The following CPNE5 variants were observed in gnomAD, a reference collection of about 807,000 sequenced individuals.
CPNE5 encodes copine-5.
A neutral mutation model predicts 81.1 loss-of-function variants in CPNE5; 42 were observed. The observed-to-expected ratio is 0.52, with a 90% CI of 0.40 to 0.67. The LOEUF is 0.67. CPNE5 is among the 30% of genes least tolerant of loss of function. The pLI, the probability that CPNE5 is intolerant of heterozygous loss-of-function variation, is 0.00. For synonymous variants in CPNE5, 313 were observed against 321.5 expected (o/e 0.97, Z 0.28); for missense variants, 612 against 815.5 (o/e 0.75, Z 3.04).
chr6:36,780,172 C>G (rs887776984), intron 8 of CPNE5, among the ~76,000 whole-genome samples: 1 of 152,106 alleles, frequency 6.6e-6, no homozygotes, highest in Admixed American at 6.5e-5. Context: ...ACTGTGTTAG[C>G]CAAGATGGTC....
chr6:36,827,544 T>C (rs892014586), intron 1 of CPNE5: 1 of 985,248 alleles, frequency 1.0e-6, no homozygotes, highest in African/African-American at 1.7e-5. Context: ...TACCACATGT[T>C]GAGACACCGT....
At chr6:36,752,883 G>T in intron 14 of CPNE5, 151 bp downstream of exon 14, 1 of 605,692 alleles carries the variant, frequency 1.7e-6, no homozygotes, top group South Asian at 2.1e-5. Flanking sequence ...AGTTGTCTCA[G>T]CCCAAACACC....
intron 3 of CPNE5, among the ~76,000 whole-genome samples, chr6:36,804,562 C>T (rs1770410276): frequency 6.6e-6 from 1 of 152,140 alleles, no homozygotes; most frequent in South Asian, 2.1e-4. Flanking sequence ...CTACACTTGC[C>T]CTCCTCCTTC....
rs1432786135 is a variant in CPNE5 at position 36,751,587 on chromosome 6, C to A, written c.971+1447G>T. Among the ~76,000 whole-genome samples, 3 of 152,190 alleles carry A rather than the reference C, an allele frequency of 2.0e-5. No homozygotes were observed. The South Asian group carries it at 6.2e-4, about 32-fold the overall frequency. On this transcript the variant is annotated intron_variant, in intron 14 of 20. Coordinates refer to ENST00000244751, the MANE Select transcript of CPNE5 (RefSeq NM_020939.2). ...GGCGAATCACCTGAGGTCAGGAGTTCGAGACCAGCCTGGCCAAAATGGTGA... is the reference window on the plus strand; with the variant it reads ...GGCGAATCACCTGAGGTCAGGAGTTAGAGACCAGCCTGGCCAAAATGGTGA...
rs77570050 is a variant in CPNE5, at chr6:36,799,226, A to T, written c.288-732T>A. 1.1e-4 allele frequency among the ~76,000 whole-genome samples: 17 copies of T among 152,010 alleles called. No individual in the cohort carries two copies. The East Asian group carries it at 3.3e-3, about 29-fold the overall frequency. On this transcript the variant is annotated intron_variant, in intron 4 of 20. Transcript: ENST00000244751. ...TCACTCTCTTATCAACCTTCTCCAA[A>T]ATGTCACCAGGTGACTTCTCTACAA...
At chr6:36,798,688 G>T (rs1296867094) in intron 4 of CPNE5, among the ~76,000 whole-genome samples, 194 bp from the exon 5 acceptor site, 1 of 152,192 alleles carries the variant, frequency 6.6e-6, no homozygotes, top group Non-Finnish European at 1.5e-5. Context: ...CTTGAGCTGG[G>T]TGACATCAGA....
rs567268088 is a variant in CPNE5 at position 36,807,168 on chromosome 6, A to T, written c.184-7098T>A. Among the ~76,000 whole-genome samples the T allele has an allele frequency of 9.2e-5, 14 of 152,348 alleles. No homozygotes were observed. The South Asian group carries it at 2.1e-3, about 23-fold the overall frequency. ...GGGAAGCACGTCTTCAAAAAGCTTTAAGAATCACTGGCCCTAGCTTTGAAG... is the reference window on the plus strand; with the variant it reads ...GGGAAGCACGTCTTCAAAAAGCTTTTAGAATCACTGGCCCTAGCTTTGAAG... On this transcript the variant is annotated intron_variant, in intron 3 of 20. Transcript: ENST00000244751.
In CPNE5 at chr6:36,794,509, G is replaced by A. The variant is rs371179284; in HGVS notation, c.464+81C>T. ...AATTCGCAGTGATGGGAGCAGGGAC[G>A]AGGCCCAGACTCTGAGGCCCCCTTT... On this transcript the variant is annotated intron_variant, in intron 7 of 20. Transcript: ENST00000244751. 1.2e-5 allele frequency: 16 copies of A among 1,328,040 alleles called. No individual in the cohort carries two copies. The African/African-American group carries it at 1.3e-4, about 11-fold the overall frequency. The allele number at this position is 1,328,040 out of a possible 1,614,324, so 82.3% of individuals were successfully genotyped here.
chr6:36,797,379 T>C (rs1193528113), intron 6 of CPNE5, among the ~76,000 whole-genome samples: 2 of 152,162 alleles, frequency 1.3e-5, no homozygotes, highest in Non-Finnish European at 2.9e-5. Context: ...ATCAAAAGCC[T>C]CGGGATCCAG....
intron 7 of CPNE5, among the ~76,000 whole-genome samples, chr6:36,794,222 G>A (rs1236462712): frequency 6.6e-6 from 1 of 151,422 alleles, no homozygotes; most frequent in Non-Finnish European, 1.5e-5. Context: ...GAGAAGGGTG[G>A]GGATTGGGGG....
intron 13 of CPNE5, among the ~76,000 whole-genome samples, chr6:36,753,888 G>T (rs1765110661): frequency 1.3e-5 from 2 of 152,264 alleles, no homozygotes; most frequent in Non-Finnish European, 2.9e-5. Context: ...TTTCACCTGT[G>T]TAAGAGAACG....
intron 3 of CPNE5, among the ~76,000 whole-genome samples, chr6:36,812,607 C>T (rs1194190920): frequency 2.0e-5 from 3 of 152,200 alleles, no homozygotes; most frequent in Non-Finnish European, 4.4e-5. Flanking sequence ...CAGCACCTCA[C>T]TGTGTCAAAG....
chr6:36,809,833 T>C (rs1043873425), intron 3 of CPNE5, among the ~76,000 whole-genome samples: 1 of 151,768 alleles, frequency 6.6e-6, no homozygotes, highest in Non-Finnish European at 1.5e-5. Context: ...CCCAGAAGCC[T>C]GTGGACATCC....
rs575417975 is a variant in CPNE5 at position 36,746,756 on chromosome 6, C to G, written c.1019-179G>C. Among the ~76,000 whole-genome samples the G allele has an allele frequency of 5.7e-4, 87 of 152,172 alleles. No individual in the cohort carries two copies. Among genetic ancestry groups the G allele is most frequent in the African/African-American group, 1.9e-3 (78 of 41,498 alleles). On this transcript the variant is annotated intron_variant, in intron 15 of 20. Coordinates refer to ENST00000244751, the MANE Select transcript of CPNE5 (RefSeq NM_020939.2). This position sits in a 1 kb window ranked among gnomAD's most constrained non-coding sequence, Gnocchi z 4.5. ...AACAGATCTAGAATCCCTCCTCCGC[C>G]TCTCCTCCTCCCCATACCACCACCC...
At chr6:36,816,084 C>T (rs531833462) in intron 3 of CPNE5, among the ~76,000 whole-genome samples, 5 of 152,320 alleles carry the variant, frequency 3.3e-5, no homozygotes, top group South Asian at 4.1e-4. Flanking sequence ...AGTCTACCCA[C>T]GAAGGTCTCT....
In CPNE5 at chr6:36,778,969, G is replaced by A; in HGVS notation, c.529-12C>T. On this transcript the variant is annotated splice_polypyrimidine_tract_variant and intron_variant, in intron 8 of 20. Transcript: ENST00000244751. Reference sequence around the variant, plus strand: ...ATGGTGGCGACATCCTGGTGGGAGGGAGGGAGAACGGGGTGTGAGGCAGGA... The same window carrying A: ...ATGGTGGCGACATCCTGGTGGGAGGAAGGGAGAACGGGGTGTGAGGCAGGA... 1 of 1,565,274 alleles carries A rather than the reference G, an allele frequency of 6.4e-7. No individual in the cohort carries two copies. The highest frequency in any genetic ancestry group is 8.8e-7 in the Non-Finnish European group (1 of 1,137,354).
chr6:36,835,750 C>T (rs111374124), intron 1 of CPNE5, among the ~76,000 whole-genome samples: 3,031 of 151,540 alleles, frequency 0.02, 93 homozygotes, highest in East Asian at 0.13. Context: ...GAGCTGAGAT[C>T]GCGCCTTTGC....
chr6:36,773,911 A>C (rs901849844), intron 10 of CPNE5, among the ~76,000 whole-genome samples: 3 of 152,114 alleles, frequency 2.0e-5, no homozygotes, highest in Non-Finnish European at 2.9e-5. Flanking sequence ...CCAAAAACAC[A>C]AAAAATTAGC....
At position 36,746,082 on chromosome 6, in the gene CPNE5, A is replaced by T; in HGVS notation, c.1200+314T>A. On this transcript the variant is annotated intron_variant, in intron 16 of 20. Transcript: ENST00000244751. The surrounding 1 kb of genome is among the most constrained non-coding windows in gnomAD (Gnocchi z 4.5). ...GACTCAGGGATACCCAACCCACACC[A>T]CCTTGTTCACTTTTCTGGGGCCCTG... 1 of 807,258 alleles carries T rather than the reference A, an allele frequency of 1.2e-6. No homozygotes were observed. Among genetic ancestry groups the T allele is most frequent in the Non-Finnish European group, 1.5e-6 (1 of 667,680 alleles). 50.0% of individuals were successfully genotyped at this position (807,258 alleles called of 1,614,324 possible).
Sources: gnomAD v4.1 joint callset for allele counts (sites outside exome capture counted in the v4.1 genomes callset) on GRCh38, gnomAD v4.1.1 for gene constraint, Gnocchi (gnomAD v3.1) non-coding constraint, MANE v1.5 for transcripts, NCBI Gene and HGNC (gene_info 2026-07-23, HGNC 2026-07-21) for gene names.